The following AKNAD1 variants were observed in gnomAD, a reference collection of about 807,000 sequenced individuals.
AKNAD1 encodes the protein protein AKNAD1.
In AKNAD1, 67 loss-of-function variants were observed where a neutral mutation model predicts 90.8. The observed-to-expected ratio is 0.74, with a 90% CI of 0.61 to 0.90. The LOEUF (loss-of-function observed/expected upper bound fraction) is 0.90, where lower values mean the gene tolerates loss of function less well. Among genes scored for constraint, AKNAD1 ranks in the 40% least tolerant of loss-of-function variants. The pLI, the probability that AKNAD1 is intolerant of heterozygous loss-of-function variation, is 0.00. For missense variants in AKNAD1, 957 were observed against 975.4 expected (o/e 0.98, Z 0.25); for synonymous variants, 327 against 341.4 (o/e 0.96, Z 0.46).
chr1:108,851,640 T>C (rs1664866107), intron 2 of AKNAD1, 32 bp downstream of exon 2: 2 of 1,529,284 alleles, frequency 1.3e-6, no homozygotes, highest in African/African-American at 2.8e-5. Context: ...GTGGTCCCAA[T>C]TAATGTGTTT....
intron 3 of AKNAD1, 39 bp from the exon 4 acceptor site, chr1:108,849,099 C>T: frequency 6.6e-7 from 1 of 1,510,842 alleles, no homozygotes. Context: ...CCATTCATCT[C>T]AACTTATCAC....
chr1:108,855,084 G>A (rs1395140237), intron 1 of AKNAD1, among the ~76,000 whole-genome samples: 2 of 152,128 alleles, frequency 1.3e-5, no homozygotes, highest in Non-Finnish European at 2.9e-5. Flanking sequence ...TATCCGTGGG[G>A]ATATTTAAAG....
At chr1:108,843,706 A>G (rs561648000) in intron 5 of AKNAD1, among the ~76,000 whole-genome samples, 139 of 152,332 alleles carry the variant, frequency 9.1e-4, no homozygotes, top group African/African-American at 3.2e-3. Context: ...AGCTCTAGCA[A>G]TATGTCTGAA....
chr1:108,856,731 A>AAC (rs529635693), intron 1 of AKNAD1, among the ~76,000 whole-genome samples, 198 bp downstream of exon 1: 1 of 145,198 alleles, frequency 6.9e-6, no homozygotes, highest in Non-Finnish European at 1.5e-5. Context: ...CACACACATA[A>AAC]ACACACACAC....
rs1664307979 is a variant in AKNAD1, at chr1:108,834,375, C to T, written c.1746+72G>A. 46 of 1,293,724 alleles carry T rather than the reference C, an allele frequency of 3.6e-5. No individual in the cohort carries two copies. The South Asian group carries it at 5.8e-4, about 16-fold the overall frequency. 80.1% of individuals were successfully genotyped at this position (1,293,724 alleles called of 1,614,324 possible). ...ATTATGCCAATTTCACAGTCACATTCAGCAACACTGGTTTTAGTTAAAGAG... is the reference window on the plus strand; with the variant it reads ...ATTATGCCAATTTCACAGTCACATTTAGCAACACTGGTTTTAGTTAAAGAG... On this transcript the variant is annotated intron_variant, in intron 9 of 15. Coordinates refer to ENST00000370001, the MANE Select transcript of AKNAD1 (RefSeq NM_152763.5).
chr1:108,834,672 G>A, intron 8 of AKNAD1, 144 bp from the exon 9 acceptor site: 1 of 915,932 alleles, frequency 1.1e-6, no homozygotes, highest in Non-Finnish European at 1.6e-6. Flanking sequence ...TGGGCCTCAT[G>A]CGGCCACTTG....
Position 108,834,614 on chromosome 1 carries a change from A to G in AKNAD1, c.1665-86T>C, listed in dbSNP as rs1429878126. 3 of 1,352,236 alleles carry G rather than the reference A, an allele frequency of 2.2e-6. No individual in the cohort carries two copies. The African/African-American group carries it at 4.4e-5, about 20-fold the overall frequency. The allele number at this position is 1,352,236 out of a possible 1,614,324, so 83.8% of individuals were successfully genotyped here. A position where few individuals can be genotyped will look rare whatever the true frequency, so the allele number is the denominator to read the frequency against. On this transcript the variant is annotated intron_variant, in intron 8 of 15. Coordinates refer to ENST00000370001, the MANE Select transcript of AKNAD1 (RefSeq NM_152763.5). ...GCTCCACTATTTGGAATCACTTGGCATCACCCCTGGGATGGTGGGAGCGAG... is the reference window on the plus strand; with the variant it reads ...GCTCCACTATTTGGAATCACTTGGCGTCACCCCTGGGATGGTGGGAGCGAG...
At chr1:108,849,400 GC>G in intron 3 of AKNAD1, 136 bp downstream of exon 3, 1 of 618,930 alleles carries the variant, frequency 1.6e-6, no homozygotes. Flanking sequence ...GATCATTTGA[GC>G]CCCAGAGGTC....
At chr1:108,833,375 G>C (rs1387231606) in intron 9 of AKNAD1, among the ~76,000 whole-genome samples, 1 of 152,152 alleles carries the variant, frequency 6.6e-6, no homozygotes, top group East Asian at 1.9e-4. Context: ...CTGAGGTCGG[G>C]AGTTCTAGAC....
rs1303503356 is a variant in AKNAD1, at chr1:108,834,517, C to T, written c.1676G>A (p.Gly559Asp). 1.3e-6 allele frequency: 2 copies of T among 1,586,334 alleles called. No individual in the cohort carries two copies. Among genetic ancestry groups the T allele is most frequent in the South Asian group, 2.3e-5 (2 of 88,428 alleles). ...CTGGGCAGCTGCATCTCCATAATGA[C>T]CGTTTAGGTAACTAATTTAAAAAAA... ...CELAPQTYLNGHYGDAAAQNK... is the reference protein window; with the variant it reads ...CELAPQTYLNDHYGDAAAQNK... Residue 559 changes from glycine (G) to aspartate (D), a missense_variant, in exon 9 of 16, where the codon GGT (glycine) becomes GAT (aspartate). Transcript: ENST00000370001.
intron 11 of AKNAD1, among the ~76,000 whole-genome samples, chr1:108,826,896 C>T (rs930636719): frequency 9.3e-5 from 14 of 151,070 alleles, no homozygotes; most frequent in African/African-American, 3.4e-4. Flanking sequence ...TGAGCCACCA[C>T]ACCTGGCTAA....
chr1:108,816,629 G>A (rs1557821516), intron 15 of AKNAD1, among the ~76,000 whole-genome samples: 1 of 152,170 alleles, frequency 6.6e-6, no homozygotes. Flanking sequence ...TGGGGATTGG[G>A]GGGCCATAAC....
chr1:108,842,632 G>C (rs1664583276), intron 6 of AKNAD1, among the ~76,000 whole-genome samples: 2 of 152,006 alleles, frequency 1.3e-5, no homozygotes, highest in South Asian at 4.2e-4. Flanking sequence ...AGTGTGCCTT[G>C]GAATTATCAG....
intron 1 of AKNAD1, among the ~76,000 whole-genome samples, chr1:108,853,585 C>T (rs1300129069): frequency 6.6e-6 from 1 of 152,150 alleles, no homozygotes; most frequent in Admixed American, 6.5e-5. Context: ...CTTCTGGTCC[C>T]CTTCTCCTGA....
chr1:108,842,974 T>C (rs1381729079), intron 6 of AKNAD1, among the ~76,000 whole-genome samples, 160 bp downstream of exon 6: 1 of 152,190 alleles, frequency 6.6e-6, no homozygotes, highest in Non-Finnish European at 1.5e-5. Flanking sequence ...TCCTCCATGC[T>C]GTCTGTGGTA....
intron 5 of AKNAD1, among the ~76,000 whole-genome samples, chr1:108,847,249 A>G (rs989929312): frequency 6.6e-6 from 1 of 152,002 alleles, no homozygotes; most frequent in Admixed American, 6.6e-5. Context: ...GGAGTTCAAG[A>G]CCAGCCCAGC....
chr1:108,832,449 T>C (rs1664239770), intron 9 of AKNAD1, among the ~76,000 whole-genome samples: 1 of 152,002 alleles, frequency 6.6e-6, no homozygotes, highest in Non-Finnish European at 1.5e-5. Context: ...GGTCTCGAAC[T>C]CCTGACCTCA....
chr1:108,840,330 C>T (rs902629907), intron 6 of AKNAD1, among the ~76,000 whole-genome samples: 3 of 152,122 alleles, frequency 2.0e-5, no homozygotes, highest in African/African-American at 7.2e-5. Flanking sequence ...GAGAAAACAT[C>T]TGTCGACAAT....
At chr1:108,824,827 A>G (rs1013702171) in intron 11 of AKNAD1, among the ~76,000 whole-genome samples, 1 of 151,670 alleles carries the variant, frequency 6.6e-6, no homozygotes, top group Non-Finnish European at 1.5e-5. Context: ...TACAGACATA[A>G]GCCACCACAC....
Sources: gnomAD v4.1 joint callset for allele counts (sites outside exome capture counted in the v4.1 genomes callset) on GRCh38, gnomAD v4.1.1 for gene constraint, MANE v1.5 for transcripts, NCBI Gene and HGNC (gene_info 2026-07-23, HGNC 2026-07-21) for gene names.